VPS8: variants seen among roughly 807,000 people sequenced by gnomAD.
VPS8 encodes the protein VPS8 subunit of CORVET complex.
In VPS8, 129 loss-of-function variants were observed where a neutral mutation model predicts 216.4. The observed-to-expected ratio is 0.60, with a 90% CI of 0.52 to 0.69. The LOEUF is 0.69. Ranked by LOEUF, VPS8 falls within the 30% of genes least tolerant of loss-of-function variation. The pLI, the probability that VPS8 is intolerant of heterozygous loss-of-function variation, is 0.00. For synonymous variants in VPS8, 571 were observed against 565.4 expected (o/e 1.01, Z -0.14); for missense variants, 1,531 against 1,683.5 (o/e 0.91, Z 1.59).
At position 184,971,561 on chromosome 3, in the gene VPS8, A is replaced by G. The variant is rs796205231; in HGVS notation, c.3317-88A>G. The stretch of plus-strand genomic sequence containing the variant: ...ATATACTAGAAAATGAAGGTGATGC[A>G]AAGAAAAAGAAGTTTAACTTTTCAC... On this transcript the variant is annotated intron_variant, in intron 39 of 47. Transcript: ENST00000625842. The G allele has an allele frequency of 5.5e-6, 5 of 917,070 alleles. No homozygotes were observed. The South Asian group carries it at 8.3e-5, about 15-fold the overall frequency. 56.8% of individuals were successfully genotyped at this position (917,070 alleles called of 1,614,324 possible).
intron 26 of VPS8, 43 bp from the exon 27 acceptor site, chr3:184,914,938 C>T (rs752538707): frequency 1.9e-6 from 3 of 1,562,916 alleles, no homozygotes. Context: ...GAAAGTTATC[C>T]CCTTTACAAG....
At chr3:184,955,478 T>C (rs1745421580) in intron 36 of VPS8, among the ~76,000 whole-genome samples, 1 of 151,998 alleles carries the variant, frequency 6.6e-6, no homozygotes, top group South Asian at 2.1e-4. Context: ...AGAAGATTCA[T>C]CCTCCTTACC....
At chr3:185,041,442 A>C (rs891107269) in intron 46 of VPS8, among the ~76,000 whole-genome samples, 2 of 151,936 alleles carry the variant, frequency 1.3e-5, no homozygotes, top group Non-Finnish European at 2.9e-5. Flanking sequence ...TCTCTATACT[A>C]TCCTATGCCC....
chr3:185,035,311 A>G (rs143359458), intron 46 of VPS8, among the ~76,000 whole-genome samples: 1 of 152,342 alleles, frequency 6.6e-6, no homozygotes, highest in Non-Finnish European at 1.5e-5. Context: ...ATGTAGAAAG[A>G]AAACTTCAGG....
rs139334599 is a variant in VPS8, at chr3:184,928,501, T to C, written c.2682T>C (p.Ser894=). 1.3e-6 allele frequency: 2 copies of C among 1,534,388 alleles called. No homozygotes were observed. Among genetic ancestry groups the C allele is most frequent in the South Asian group, 1.3e-5 (1 of 74,864 alleles). ...GAGGCATAGTTCAATTTGAAGAGAG[T>C]CGACTCATCCGGATGGCAGAAAAAG... is the stretch of plus-strand genomic sequence containing the variant. ...QAGGIVQFEE[S]RLIRMAEKAE... The change falls in exon 32 of 48, where the codon AGT becomes AGC. Residue 894 remains serine, a synonymous_variant. Transcript: ENST00000625842.
intron 31 of VPS8, among the ~76,000 whole-genome samples, chr3:184,927,245 A>AT (rs1739826202): frequency 6.6e-6 from 1 of 152,182 alleles, no homozygotes; most frequent in South Asian, 2.1e-4. Context: ...GAGTCAACCC[A>AT]TTTTGTATTG....
intron 45 of VPS8, among the ~76,000 whole-genome samples, chr3:185,007,920 A>T (rs1219147711): frequency 2.0e-5 from 3 of 152,096 alleles, no homozygotes; most frequent in Admixed American, 6.5e-5. Flanking sequence ...ACACTTGGAG[A>T]TTCAGTTTAC....
chr3:184,845,057 A>G (rs778821766), intron 8 of VPS8, among the ~76,000 whole-genome samples: 2 of 152,202 alleles, frequency 1.3e-5, no homozygotes, highest in Admixed American at 6.5e-5. Flanking sequence ...ATATACCTTT[A>G]TGTGACTTTG....
In VPS8 at chr3:184,915,335, A is replaced by ATT; in HGVS notation, c.2263-14_2263-13dup. 1.2e-6 allele frequency: 2 copies of ATT among 1,607,664 alleles called. No homozygotes were observed. Among genetic ancestry groups the ATT allele is most frequent in the Non-Finnish European group, 1.7e-6 (2 of 1,176,908 alleles). ...TTTGTCAGGTGAGAAAATAATCAAC[A>ATT]TTTTTTTCCCAACTTGCAGGTTTTT... On this transcript the variant is annotated intron_variant, in intron 27 of 47. Coordinates refer to ENST00000625842, the MANE Select transcript of VPS8 (RefSeq NM_001009921.3).
At chr3:184,816,995 G>A (rs1577685155) in intron 1 of VPS8, among the ~76,000 whole-genome samples, 1 of 152,124 alleles carries the variant, frequency 6.6e-6, no homozygotes, top group Non-Finnish European at 1.5e-5. Flanking sequence ...TGGAAGTATG[G>A]TACATTTCCA....
intron 38 of VPS8, among the ~76,000 whole-genome samples, chr3:184,965,021 C>T (rs1747152380): frequency 1.3e-5 from 2 of 152,174 alleles, no homozygotes; most frequent in South Asian, 2.1e-4. Context: ...TACTGTTTTC[C>T]ATAGCAGCTA....
chr3:184,959,412 A>G (rs565608471), intron 37 of VPS8, among the ~76,000 whole-genome samples: 7 of 152,342 alleles, frequency 4.6e-5, no homozygotes, highest in African/African-American at 1.4e-4. Context: ...GCCATAGAAT[A>G]TGAATATTCA....
At chr3:184,916,864 A>G (rs1476875613) in intron 28 of VPS8, among the ~76,000 whole-genome samples, 1 of 152,220 alleles carries the variant, frequency 6.6e-6, no homozygotes, top group African/African-American at 2.4e-5. Flanking sequence ...AATTATGCTG[A>G]TGTCTGAATT....
chr3:184,866,997 G>A (rs1727479429), intron 17 of VPS8, 47 bp downstream of exon 17: 2 of 1,569,666 alleles, frequency 1.3e-6, no homozygotes, highest in African/African-American at 1.4e-5. Context: ...TATCAGGGTA[G>A]TTGAGGCTGA....
chr3:184,868,081 A>C (rs771831164), intron 18 of VPS8, 22 bp downstream of exon 18: 28 of 1,611,482 alleles, frequency 1.7e-5, no homozygotes, highest in Non-Finnish European at 2.3e-5. Flanking sequence ...GTAATTTCAC[A>C]TGTCAGAGTT....
intron 45 of VPS8, among the ~76,000 whole-genome samples, chr3:185,015,617 T>G (rs143057257): frequency 1.2e-3 from 179 of 152,358 alleles, no homozygotes; most frequent in African/African-American, 3.9e-3. Context: ...TAAATGTAGT[T>G]ATTTTAGGGA....
intron 18 of VPS8, 166 bp downstream of exon 18, chr3:184,868,225 A>G (rs1438226781): frequency 3.1e-6 from 2 of 643,094 alleles, no homozygotes; most frequent in South Asian, 2.3e-5. Flanking sequence ...AACTGACAGT[A>G]TAAGTTAGAA....
chr3:184,894,690 C>A lies in VPS8; in HGVS notation c.1782-13C>A, dbSNP rs755904422. On this transcript the variant is annotated splice_polypyrimidine_tract_variant and intron_variant, in intron 22 of 47. Transcript: ENST00000625842. ...TGTTCCTAAAAGTTTTTCTCCCCCC[C>A]TTTCTGTTACAGGGATCTTTTATTT... The A allele has an allele frequency of 6.4e-6, 10 of 1,573,040 alleles. No individual in the cohort carries two copies.
chr3:184,832,928 G>A, intron 4 of VPS8, 109 bp downstream of exon 4: 2 of 1,306,350 alleles, frequency 1.5e-6, no homozygotes, highest in Non-Finnish European at 2.1e-6. Context: ...GCCTTGCATG[G>A]GAAGTAGAAG....
Sources: allele counts gnomAD v4.1 joint callset (sites outside exome capture counted in the v4.1 genomes callset), GRCh38; gene constraint gnomAD v4.1.1; transcripts MANE v1.5; gene names NCBI Gene and HGNC (gene_info 2026-07-23, HGNC 2026-07-21).